The following KIF1A variants were observed in gnomAD, a reference collection of about 807,000 sequenced individuals.
The protein encoded by KIF1A is kinesin-like protein KIF1A.
KIF1A carries 46 observed loss-of-function variants against 227.3 expected under a neutral mutation model. The observed-to-expected ratio is 0.20, with a 90% CI of 0.16 to 0.26. The LOEUF is 0.26. Among genes scored for constraint, KIF1A ranks in the 10% least tolerant of loss-of-function variants. The pLI is 1.00. For missense variants in KIF1A, 1,683 were observed against 2,485.9 expected, an observed-to-expected ratio of 0.68 and a Z score of 6.87; for synonymous variants, 1,022 against 1,012.8, an observed-to-expected ratio of 1.01 and a Z score of -0.17.
intron 48 of KIF1A, 34 bp from the exon 49 acceptor site, chr2:240,717,440 G>A (rs2044692183): frequency 6.2e-7 from 1 of 1,602,868 alleles, no homozygotes; most frequent in African/African-American, 1.3e-5. Context: ...GCGTGGTCAG[G>A]CCAGGAACAC....
chr2:240,790,461 T>G lies in KIF1A; in HGVS notation c.107-1149A>C, dbSNP rs9288741. ...TGGGGGCCAGCGGCACAGCCTCCAG[T>G]ATGCCCGCACCCTCCGTGCCAGCAT... On this transcript the variant is annotated intron_variant, in intron 2 of 48. Coordinates refer to ENST00000498729, the MANE Select transcript of KIF1A (RefSeq NM_001244008.2). The surrounding 1 kb of genome is among the most constrained non-coding windows in gnomAD (Gnocchi z 5.0). Among the ~76,000 whole-genome samples, 64,236 of 151,774 alleles carry G rather than the reference T, an allele frequency of 0.42. 15,494 individuals carry two copies. Among genetic ancestry groups the G allele is most frequent in the African/African-American group, 0.67 (27,868 of 41,382 alleles).
intron 11 of KIF1A, 147 bp from the exon 12 acceptor site, chr2:240,774,408 C>T: frequency 2.3e-6 from 1 of 439,568 alleles, no homozygotes; most frequent in Non-Finnish European, 4.1e-6. Context: ...CCCCCACCCC[C>T]ACCCCATGAA....
At chr2:240,810,531 C>G (rs2057784200) in intron 1 of KIF1A, among the ~76,000 whole-genome samples, 1 of 152,158 alleles carries the variant, frequency 6.6e-6, no homozygotes, top group Admixed American at 6.5e-5. Flanking sequence ...GGGCTGCAGA[C>G]CTTGTGCCCC....
chr2:240,764,245 G>A (rs1301065330), intron 20 of KIF1A, among the ~76,000 whole-genome samples: 1 of 152,150 alleles, frequency 6.6e-6, no homozygotes, highest in Non-Finnish European at 1.5e-5. Context: ...CTGTCCACAG[G>A]CCGTATGCAG....
chr2:240,763,114 G>A (rs1317652508), intron 21 of KIF1A, 23 bp from the exon 22 acceptor site: 2 of 1,598,862 alleles, frequency 1.3e-6, no homozygotes, highest in Non-Finnish European at 8.5e-7. Context: ...ATTGGGGTGA[G>A]CACGGGAGGG....
chr2:240,725,498 G>T lies in KIF1A; in HGVS notation c.4123-94C>A, dbSNP rs553536613. ...TCCTGGGGGCACAATGCCCAGCACC[G>T]ACAGGCAGCCCCAGGGCCTTCCCAG... On this transcript the variant is annotated intron_variant, in intron 39 of 48. Coordinates refer to ENST00000498729, the MANE Select transcript of KIF1A (RefSeq NM_001244008.2). The surrounding 1 kb of genome is among the most constrained non-coding windows in gnomAD (Gnocchi z 5.8). 1 of 1,422,002 alleles carries T rather than the reference G, an allele frequency of 7.0e-7. No individual in the cohort carries two copies. Among genetic ancestry groups the T allele is most frequent in the Non-Finnish European group, 9.6e-7 (1 of 1,040,478 alleles). 88.1% of individuals were successfully genotyped at this position (1,422,002 alleles called of 1,614,324 possible).
chr2:240,751,208 C>T (rs1039620369), intron 27 of KIF1A, among the ~76,000 whole-genome samples: 2 of 152,178 alleles, frequency 1.3e-5, no homozygotes, highest in South Asian at 2.1e-4. Context: ...CGAGTACCTA[C>T]GGTCGCCAGA....
At position 240,789,826 on chromosome 2, in the gene KIF1A, G is replaced by T. The variant is rs1230057332; in HGVS notation, c.107-514C>A. Reference sequence around the variant, plus strand: ...ACTCCAGACAGAGCTCTATGGGACTGTCTTCTGCCAGAGTCCCTCCTCCCC... The same window carrying T: ...ACTCCAGACAGAGCTCTATGGGACTTTCTTCTGCCAGAGTCCCTCCTCCCC... On this transcript the variant is annotated intron_variant, in intron 2 of 48. Transcript: ENST00000498729. The surrounding 1 kb of genome is among the most constrained non-coding windows in gnomAD (Gnocchi z 4.8). 6.6e-6 allele frequency among the ~76,000 whole-genome samples: 1 copy of T among 152,118 alleles called. No individual in the cohort carries two copies. The highest frequency in any genetic ancestry group is 1.5e-5 in the Non-Finnish European group (1 of 68,020).
intron 2 of KIF1A, among the ~76,000 whole-genome samples, chr2:240,791,732 G>A (rs563600858): frequency 3.2e-4 from 49 of 152,330 alleles, no homozygotes; most frequent in Non-Finnish European, 5.4e-4. Flanking sequence ...CACAGATGGT[G>A]CCCAAGGAAT....
chr2:240,771,003 G>A lies in KIF1A; in HGVS notation c.1309C>T (p.Pro437Ser). 2 of 1,612,620 alleles carry A rather than the reference G, an allele frequency of 1.2e-6. No individual in the cohort carries two copies. The change falls in exon 15 of 49, where the codon CCG becomes TCG. Residue 437 changes from proline (P) to serine (S), a missense_variant. Coordinates refer to ENST00000498729, the MANE Select transcript of KIF1A (RefSeq NM_001244008.2). Reference protein sequence around the residue: ...SSLHERILFAPGSEEAIERLK... With the variant: ...SSLHERILFASGSEEAIERLK... ...CTTTCAATGGCCTCCTCGCTGCCCG[G>A]GGCAAACAAGATGCGCTCGTGGAGG...
intron 1 of KIF1A, among the ~76,000 whole-genome samples, chr2:240,817,794 C>T (rs2058435497): frequency 6.6e-6 from 1 of 152,204 alleles, no homozygotes; most frequent in Non-Finnish European, 1.5e-5. Context: ...TCCCCCTCCA[C>T]CCTTCACAAA....
In KIF1A at chr2:240,773,847, CCT is replaced by C. The variant is rs2052361071; in HGVS notation, c.1037+334_1037+335del. Among the ~76,000 whole-genome samples, 3 of 152,266 alleles carry C rather than the reference CCT, an allele frequency of 2.0e-5. No individual in the cohort carries two copies. In the South Asian group the frequency reaches 6.2e-4, roughly 32 times the overall value. On this transcript the variant is annotated intron_variant, in intron 12 of 48. Transcript: ENST00000498729. ...CTGCCCATAAGACACACCTATGTCC[CCT>C]CTGCTATCTAAAAATCCCCAGTGGT...
rs923031950 is a variant in KIF1A at position 240,714,902 on chromosome 2, A to G, written c.*2462T>C. 2 of 152,180 alleles carry G rather than the reference A, an allele frequency of 1.3e-5. No individual in the cohort carries two copies. Among genetic ancestry groups the G allele is most frequent in the African/African-American group, 2.4e-5 (1 of 41,420 alleles). The allele number at this position is 152,180 out of a possible 1,614,324, so 9.4% of individuals were successfully genotyped here. A position where few individuals can be genotyped will look rare whatever the true frequency, so the allele number is the denominator to read the frequency against. ...GAGAGGACACAGCCAGGCAGTCTCCATGGCAGTGGAGGCTTCTGAATTTAG... is the reference window on the plus strand; with the variant it reads ...GAGAGGACACAGCCAGGCAGTCTCCGTGGCAGTGGAGGCTTCTGAATTTAG... On this transcript the variant is annotated 3_prime_UTR_variant, in exon 49 of 49. Coordinates refer to ENST00000498729, the MANE Select transcript of KIF1A (RefSeq NM_001244008.2).
At chr2:240,779,016 A>ACAGTTCCACACTCAGTTCCACACT (rs529860226) in intron 10 of KIF1A, among the ~76,000 whole-genome samples, 1 of 152,058 alleles carries the variant, frequency 6.6e-6, no homozygotes, top group Admixed American at 6.5e-5. Context: ...CCAGTTCCAC[A>ACAGTTCCACACTCAGTTCCACACT]CAGTTCCACA....
intron 1 of KIF1A, among the ~76,000 whole-genome samples, chr2:240,806,809 A>C (rs2057438379): frequency 6.6e-6 from 1 of 152,192 alleles, no homozygotes; most frequent in Non-Finnish European, 1.5e-5. Flanking sequence ...TAGTTTAAAA[A>C]TCTACCCACA....
At chr2:240,776,755 C>T (rs1229704150) in intron 10 of KIF1A, among the ~76,000 whole-genome samples, 1 of 152,218 alleles carries the variant, frequency 6.6e-6, no homozygotes, top group Non-Finnish European at 1.5e-5. Context: ...GGAGCCTGCA[C>T]CCCAGGACAT....
At chr2:240,729,465 G>A (rs1234170462) in intron 38 of KIF1A, among the ~76,000 whole-genome samples, 1 of 152,184 alleles carries the variant, frequency 6.6e-6, no homozygotes, top group Non-Finnish European at 1.5e-5. Context: ...CATTCATCAG[G>A]AACCACGTCC....
Position 240,736,326 on chromosome 2 carries a change from C to A in KIF1A, c.4007+737G>T, listed in dbSNP as rs1398613035. ...CCCAGGGAGCAGCCAGGACTGGACACTGGAGCCCCCGCCTCACTTTCCCCA... is the reference window on the plus strand; with the variant it reads ...CCCAGGGAGCAGCCAGGACTGGACAATGGAGCCCCCGCCTCACTTTCCCCA... On this transcript the variant is annotated intron_variant, in intron 38 of 48. Transcript: ENST00000498729. The surrounding 1 kb of genome is among the most constrained non-coding windows in gnomAD (Gnocchi z 4.7). 1.3e-5 allele frequency among the ~76,000 whole-genome samples: 2 copies of A among 152,078 alleles called. No homozygotes were observed. Among genetic ancestry groups the A allele is most frequent in the Admixed American group, 1.3e-4 (2 of 15,278 alleles).
chr2:240,727,804 C>T (rs73119977), intron 38 of KIF1A, among the ~76,000 whole-genome samples: 10,941 of 152,222 alleles, frequency 0.072, 1,321 homozygotes, highest in African/African-American at 0.25. Context: ...CCCTCTGCTC[C>T]GGAACAGGGT....
Sources: gnomAD v4.1 joint callset for allele counts (sites outside exome capture counted in the v4.1 genomes callset) on GRCh38, gnomAD v4.1.1 for gene constraint, Gnocchi (gnomAD v3.1) non-coding constraint, MANE v1.5 for transcripts, NCBI Gene and HGNC (gene_info 2026-07-23, HGNC 2026-07-21) for gene names.